Variants in RECQL5 observed in about 807,000 individuals in gnomAD.
RECQL5 encodes the protein RecQ like helicase 5.
Under a neutral mutation model 103.4 loss-of-function variants are expected in RECQL5, and 88 were observed. The ratio of observed to expected loss-of-function variants is 0.85; its 90% CI spans 0.72 to 1.02. The LOEUF is 1.02. RECQL5 is among the 50% of genes least tolerant of loss of function. The pLI, the probability that RECQL5 is intolerant of heterozygous loss-of-function variation, is 0.00. For synonymous variants in RECQL5, 552 were observed against 507.9 expected (o/e 1.09, Z -1.17); for missense variants, 1,232 against 1,284.3 (o/e 0.96, Z 0.62).
In RECQL5 at chr17:75,634,196, C is replaced by T. The variant is rs1454249739; in HGVS notation, c.1230-2528G>A. 4 of 985,428 alleles carry T rather than the reference C, an allele frequency of 4.1e-6. No individual in the cohort carries two copies. The East Asian group carries it at 4.5e-4, about 112-fold the overall frequency. 61.0% of individuals were successfully genotyped at this position (985,428 alleles called of 1,614,324 possible). A position where few individuals can be genotyped will look rare whatever the true frequency, so the allele number is the denominator to read the frequency against. ...TGCTGCTCAGCCCCCAACACCTGAG[C>T]TCCCAGGTGAGTGGCAATGGCCACA... On this transcript the variant is annotated intron_variant, in intron 8 of 19. Transcript: ENST00000317905.
rs183213193 is a variant in RECQL5 at position 75,631,743 on chromosome 17, C to T, written c.1230-75G>A. On this transcript the variant is annotated intron_variant, in intron 8 of 19. Coordinates refer to ENST00000317905, the MANE Select transcript of RECQL5 (RefSeq NM_004259.7). ...AGCGTCTGTTCACCCGAGCCTGAAT[C>T]GCTAGCTGAGCGAGCACTGCCGCGT... 3.4e-3 allele frequency: 4,992 copies of T among 1,481,162 alleles called. 220 individuals carry two copies. In the Admixed American group the frequency reaches 0.078, roughly 23 times the overall value. 91.8% of individuals were successfully genotyped at this position (1,481,162 alleles called of 1,614,324 possible).
At chr17:75,660,846 C>G in intron 6 of RECQL5, 109 bp downstream of exon 6, 1 of 816,422 alleles carries the variant, frequency 1.2e-6, no homozygotes, top group East Asian at 2.4e-5. Flanking sequence ...GCTTCCTTCC[C>G]CTCTAGCCCT....
intron 8 of RECQL5, chr17:75,647,714 G>A (rs565275710): frequency 2.4e-4 from 181 of 753,356 alleles, no homozygotes; most frequent in Middle Eastern, 2.3e-3. Context: ...GTAAAATACT[G>A]TATCTGGCTT....
intron 10 of RECQL5, 56 bp downstream of exon 10, chr17:75,631,094 G>A: frequency 6.2e-7 from 1 of 1,610,280 alleles, no homozygotes; most frequent in Non-Finnish European, 8.5e-7. Context: ...GGGCTGAGAG[G>A]TGCGAGCAGG....
chr17:75,640,234 C>T lies in RECQL5; in HGVS notation c.1230-8566G>A, dbSNP rs565139422. On this transcript the variant is annotated intron_variant, in intron 8 of 19. Transcript: ENST00000317905. This position sits in a 1 kb window ranked among gnomAD's most constrained non-coding sequence, Gnocchi z 4.6. ...CCACCGACTTCGTGCAGGAGATGCGCGCCGTGGGCGAGAGGCTGCTGCTCA... is the reference window on the plus strand; with the variant it reads ...CCACCGACTTCGTGCAGGAGATGCGTGCCGTGGGCGAGAGGCTGCTGCTCA... 1.6e-5 allele frequency: 25 copies of T among 1,551,032 alleles called. No individual in the cohort carries two copies. The highest frequency in any genetic ancestry group is 4.9e-5 in the East Asian group (2 of 40,906).
chr17:75,629,247 G>GC lies in RECQL5; in HGVS notation c.2175dup (p.Pro726AlafsTer4). On this transcript the variant is annotated frameshift_variant, in exon 16 of 20. Coordinates refer to ENST00000317905, the MANE Select transcript of RECQL5 (RefSeq NM_004259.7). LOFTEE classifies it high-confidence loss of function. ...CTTTTTGCCTTCTTCTCAGGGGAGG[G>GC]CCCCCCATAGTGAGCGCTGCCTCCA... 1 of 1,612,200 alleles carries GC rather than the reference G, an allele frequency of 6.2e-7. No individual in the cohort carries two copies. The highest frequency in any genetic ancestry group is 8.5e-7 in the Non-Finnish European group (1 of 1,179,438).
intron 7 of RECQL5, among the ~76,000 whole-genome samples, chr17:75,657,747 TAAAAAA>T: frequency 8.9e-6 from 1 of 112,204 alleles, no homozygotes; most frequent in Non-Finnish European, 1.9e-5. Flanking sequence ...CCTTGTCTCT[TAAAAAA>T]AAAAAAAAAA....
At position 75,650,947 on chromosome 17, in the gene RECQL5, G is replaced by C; in HGVS notation, c.1229+239C>G. On this transcript the variant is annotated intron_variant, in intron 8 of 19. Coordinates refer to ENST00000317905, the MANE Select transcript of RECQL5 (RefSeq NM_004259.7). ...GCCAGCCATCCCAGAAGAGGGTGGAGTGGAGGGAAGGACACCACTCAGAAT... is the reference window on the plus strand; with the variant it reads ...GCCAGCCATCCCAGAAGAGGGTGGACTGGAGGGAAGGACACCACTCAGAAT... 3 of 1,453,062 alleles carry C rather than the reference G, an allele frequency of 2.1e-6. No individual in the cohort carries two copies. In the South Asian group the frequency reaches 4.3e-5, roughly 21 times the overall value. The allele number at this position is 1,453,062 out of a possible 1,614,324, so 90.0% of individuals were successfully genotyped here. A position where few individuals can be genotyped will look rare whatever the true frequency, so the allele number is the denominator to read the frequency against.
intron 8 of RECQL5, chr17:75,650,657 T>G: frequency 6.2e-7 from 1 of 1,614,048 alleles, no homozygotes; most frequent in Non-Finnish European, 8.5e-7. Flanking sequence ...TCCGCATGCC[T>G]GGACACAACC....
chr17:75,654,155 C>T lies in RECQL5; in HGVS notation c.1150-2890G>A, dbSNP rs576783531. On this transcript the variant is annotated intron_variant, in intron 7 of 19. Coordinates refer to ENST00000317905, the MANE Select transcript of RECQL5 (RefSeq NM_004259.7). ...CCGAAGTGATTGCATTTTTATATTT[C>T]CTGTGATCACATTTCCTTTCTTGTG... Among the ~76,000 whole-genome samples the T allele has an allele frequency of 5.3e-5, 8 of 152,330 alleles. No homozygotes were observed. In the South Asian group the frequency reaches 8.3e-4, roughly 16 times the overall value.
In RECQL5 at chr17:75,627,066, A is replaced by G. The variant is rs1429820500; in HGVS notation, c.*356T>C. 2.2e-6 allele frequency: 1 copy of G among 451,754 alleles called. No homozygotes were observed. The highest frequency in any genetic ancestry group is 4.4e-6 in the Non-Finnish European group (1 of 228,634). The allele number at this position is 451,754 out of a possible 1,614,324, so 28.0% of individuals were successfully genotyped here. A position where few individuals can be genotyped will look rare whatever the true frequency, so the allele number is the denominator to read the frequency against. On this transcript the variant is annotated 3_prime_UTR_variant, in exon 20 of 20. Coordinates refer to ENST00000317905, the MANE Select transcript of RECQL5 (RefSeq NM_004259.7). ...GAGGGTCCCCTGGGTAGGTTCCGATACCTTGGACAGGTGGGCCTCATCCTG... is the reference window on the plus strand; with the variant it reads ...GAGGGTCCCCTGGGTAGGTTCCGATGCCTTGGACAGGTGGGCCTCATCCTG...
intron 8 of RECQL5, among the ~76,000 whole-genome samples, chr17:75,634,875 G>A (rs1171984352): frequency 6.6e-6 from 1 of 152,224 alleles, no homozygotes; most frequent in Non-Finnish European, 1.5e-5. Context: ...AAGTGAGGCT[G>A]GGAGGGACCA....
intron 6 of RECQL5, 22 bp downstream of exon 6, chr17:75,660,928 GAGGGC>G: frequency 5.9e-6 from 9 of 1,526,570 alleles, no homozygotes; most frequent in Non-Finnish European, 8.2e-6. Flanking sequence ...CCCAGACCAG[GAGGGC>G]AGGGCAAGAA....
rs2059202679 is a variant in RECQL5 at position 75,631,014 on chromosome 17, G to GA, written c.1549-5dup. 2 of 1,613,638 alleles carry GA rather than the reference G, an allele frequency of 1.2e-6. No individual in the cohort carries two copies. The highest frequency in any genetic ancestry group is 1.7e-5 in the Admixed American group (1 of 59,988). ...CTTCTATCTTGGGGTCTTTGCCCTG[G>GA]AGGACAACATGAAGGACCCATGAGG... is the stretch of plus-strand genomic sequence containing the variant. On this transcript the variant is annotated splice_polypyrimidine_tract_variant and splice_region_variant and intron_variant, in intron 10 of 19. Transcript: ENST00000317905.
At chr17:75,644,402 T>C (rs1015827935) in intron 8 of RECQL5, among the ~76,000 whole-genome samples, 10 of 151,992 alleles carry the variant, frequency 6.6e-5, no homozygotes, top group Non-Finnish European at 1.2e-4. Flanking sequence ...GCTCGGGAGT[T>C]TGAGACCAGC....
rs1764075857 is a variant in RECQL5 at position 75,663,110 on chromosome 17, T to C, written c.253-113A>G. 5 of 1,034,422 alleles carry C rather than the reference T, an allele frequency of 4.8e-6. 1 individual carries two copies. The highest frequency in any genetic ancestry group is 4.2e-6 in the Non-Finnish European group (3 of 709,308). 64.1% of individuals were successfully genotyped at this position (1,034,422 alleles called of 1,614,324 possible). A position where few individuals can be genotyped will look rare whatever the true frequency, so the allele number is the denominator to read the frequency against. On this transcript the variant is annotated intron_variant, in intron 3 of 19. Transcript: ENST00000317905. ...TGTCCTCCTCCCACCCTCCAATATA[T>C]ATTCTCTTTGCATAGAAGTAGTAGA...
chr17:75,631,567 A>G lies in RECQL5; in HGVS notation c.1331T>C (p.Leu444Pro). 2 of 1,613,056 alleles carry G rather than the reference A, an allele frequency of 1.2e-6. No homozygotes were observed. The highest frequency in any genetic ancestry group is 2.2e-5 in the South Asian group (2 of 91,078). Residue 444 changes from leucine (L) to proline (P), a missense_variant, in exon 9 of 20, where the codon CTG (leucine) becomes CCG (proline). Leu to Pro is a moderately conservative substitution (Grantham distance 98). Coordinates refer to ENST00000317905, the MANE Select transcript of RECQL5 (RefSeq NM_004259.7). ...CQNPTAVRRR[L>P]EALERSSSWS... ...GCTGCTGCTGCGCTCCAAGGCCTCCAGCCGCCTCCGCACGGCCGTGGGGTT... is the reference window on the plus strand; with the variant it reads ...GCTGCTGCTGCGCTCCAAGGCCTCCGGCCGCCTCCGCACGGCCGTGGGGTT...
Position 75,658,463 on chromosome 17 carries a change from G to C in RECQL5, c.987-3C>G, listed in dbSNP as rs374990357. 4.3e-6 allele frequency: 7 copies of C among 1,613,136 alleles called. No homozygotes were observed. The African/African-American group carries it at 9.3e-5, about 22-fold the overall frequency. On this transcript the variant is annotated splice_polypyrimidine_tract_variant and splice_region_variant and intron_variant, in intron 6 of 19. Coordinates refer to ENST00000317905, the MANE Select transcript of RECQL5 (RefSeq NM_004259.7). ...CAATATTCCAATGGGCGACAAACCT[G>C]TAGGATCCAAAGGGACAAGCAGCAT...
chr17:75,663,036 C>G (rs1049189783), intron 3 of RECQL5, 39 bp from the exon 4 acceptor site: 8 of 1,541,438 alleles, frequency 5.2e-6, no homozygotes, highest in Admixed American at 2.0e-5. Context: ...GCCCTCAGGA[C>G]TCAGGTAAAC....
Sources: allele counts gnomAD v4.1 joint callset (sites outside exome capture counted in the v4.1 genomes callset), GRCh38; gene constraint gnomAD v4.1.1; non-coding constraint Gnocchi (gnomAD v3.1); transcripts MANE v1.5; gene names NCBI Gene and HGNC (gene_info 2026-07-23, HGNC 2026-07-21).